Variants in MGAT4C observed in about 807,000 individuals in gnomAD.
MGAT4C encodes alpha-1,3-mannosyl-glycoprotein 4-beta-N-acetylglucosaminyltransferase C.
Under a neutral mutation model 40.1 loss-of-function variants are expected in MGAT4C, and 19 were observed. That is an observed-to-expected ratio of 0.47 (90% CI 0.33 to 0.70). MGAT4C has a LOEUF of 0.70. MGAT4C is among the 30% of genes least tolerant of loss of function. MGAT4C has a pLI of 0.02. For synonymous variants in MGAT4C, 181 were observed against 187.1 expected (o/e 0.97, Z 0.27); for missense variants, 491 against 563.2 (o/e 0.87, Z 1.30).
rs548981756 is a variant in MGAT4C, at chr12:86,579,164, G to C, written c.-228-143899C>G. Among the ~76,000 whole-genome samples, 19 of 151,570 alleles carry C rather than the reference G, an allele frequency of 1.3e-4. No homozygotes were observed. In the East Asian group the frequency reaches 3.3e-3, roughly 26 times the overall value. On this transcript the variant is annotated intron_variant, in intron 2 of 7. Transcript: ENST00000548651. ...TCTATTTACATTCAATGTTATTATT[G>C]ATAAGTAGGGACTCTGGTCATTTTG...
rs145485200 is a variant in MGAT4C, at chr12:86,119,519, T to G, written c.-56-69796A>C. 6.4e-3 allele frequency among the ~76,000 whole-genome samples: 980 copies of G among 152,096 alleles called. 31 individuals are homozygous for G. The South Asian group carries it at 0.11, about 18-fold the overall frequency. On this transcript the variant is annotated intron_variant, in intron 1 of 4. Coordinates refer to ENST00000611864, the MANE Select transcript of MGAT4C (RefSeq NM_001351288.2). The stretch of plus-strand genomic sequence containing the variant: ...ACCTCCTGGGTTTAAGTGATTCTTC[T>G]GCTTCAGCCTCCAGAGTAGCTGGGA...
chr12:86,527,843 A>C (rs1212148560), intron 2 of MGAT4C, among the ~76,000 whole-genome samples: 1 of 152,212 alleles, frequency 6.6e-6, no homozygotes, highest in East Asian at 1.9e-4. Flanking sequence ...AAAGACAAAT[A>C]TCACATGTTC....
chr12:86,716,472 A>G (rs1239932353), intron 2 of MGAT4C, among the ~76,000 whole-genome samples: 1 of 152,130 alleles, frequency 6.6e-6, no homozygotes, highest in African/African-American at 2.4e-5. Context: ...CCCTTGCAAA[A>G]AAGATAGTAA....
At chr12:86,834,907 C>T (rs1031829326) in intron 1 of MGAT4C, among the ~76,000 whole-genome samples, 2 of 151,816 alleles carry the variant, frequency 1.3e-5, no homozygotes, top group South Asian at 2.1e-4. Flanking sequence ...CACATTTTGA[C>T]CTAGCTAGAA....
chr12:86,808,081 G>T (rs1187184785), intron 1 of MGAT4C, among the ~76,000 whole-genome samples: 2 of 151,980 alleles, frequency 1.3e-5, no homozygotes, highest in African/African-American at 2.4e-5. Flanking sequence ...GCTGAACTAA[G>T]AATAAGTTAA....
At chr12:86,797,602 A>C (rs1952150382) in intron 1 of MGAT4C, among the ~76,000 whole-genome samples, 1 of 151,870 alleles carries the variant, frequency 6.6e-6, no homozygotes, top group Admixed American at 6.6e-5. Context: ...TTCCTGCTCT[A>C]TCTGCTTCTC....
At chr12:86,346,769 ACATTT>A in intron 3 of MGAT4C, among the ~76,000 whole-genome samples, 1 of 152,104 alleles carries the variant, frequency 6.6e-6, no homozygotes, top group Non-Finnish European at 1.5e-5. Flanking sequence ...AAAGAGATTA[ACATTT>A]GAGTCAGTGG....
chr12:86,644,460 A>G (rs2136526014), intron 2 of MGAT4C, among the ~76,000 whole-genome samples: 1 of 151,954 alleles, frequency 6.6e-6, no homozygotes, highest in Non-Finnish European at 1.5e-5. Context: ...CAACAATGTA[A>G]GGTATTAGTA....
intron 1 of MGAT4C, among the ~76,000 whole-genome samples, chr12:86,826,910 A>G (rs1049262014): frequency 1.3e-5 from 2 of 151,370 alleles, no homozygotes; most frequent in African/African-American, 4.8e-5. Context: ...TTTTTTGTTC[A>G]AAAAGAATGA....
At chr12:86,278,097 G>T (rs1276867045) in intron 4 of MGAT4C, among the ~76,000 whole-genome samples, 3 of 147,496 alleles carry the variant, frequency 2.0e-5, no homozygotes, top group Non-Finnish European at 4.5e-5. Flanking sequence ...TTATTGCAGA[G>T]ATTTTTTTCA....
intron 2 of MGAT4C, among the ~76,000 whole-genome samples, chr12:86,045,753 G>A (rs976925375): frequency 2.6e-5 from 4 of 152,146 alleles, no homozygotes; most frequent in East Asian, 1.9e-4. Flanking sequence ...TCTTGTCTCC[G>A]TAAAAGTGAA....
intron 4 of MGAT4C, among the ~76,000 whole-genome samples, chr12:86,330,352 A>G (rs1341796051): frequency 3.9e-5 from 6 of 152,146 alleles, no homozygotes; most frequent in Non-Finnish European, 8.8e-5. Context: ...ATTTTTCACC[A>G]TTTCTCTGGG....
intron 1 of MGAT4C, among the ~76,000 whole-genome samples, chr12:86,127,978 T>C (rs1484544285): frequency 6.6e-6 from 1 of 152,194 alleles, no homozygotes; most frequent in African/African-American, 2.4e-5. Context: ...AAAAGTATAG[T>C]ATAGTAAATA....
intron 1 of MGAT4C, among the ~76,000 whole-genome samples, chr12:86,101,109 T>C (rs1396597158): frequency 6.6e-6 from 1 of 151,806 alleles, no homozygotes; most frequent in Non-Finnish European, 1.5e-5. Flanking sequence ...ACTATTTTTT[T>C]CAGAGATTCA....
chr12:86,194,681 C>G (rs946675920), intron 1 of MGAT4C, among the ~76,000 whole-genome samples: 3 of 151,178 alleles, frequency 2.0e-5, no homozygotes, highest in African/African-American at 7.3e-5. Flanking sequence ...CCGTGATGGT[C>G]TTGAACTCCT....
intron 2 of MGAT4C, among the ~76,000 whole-genome samples, chr12:86,566,306 G>C (rs1960097631): frequency 6.6e-6 from 1 of 151,534 alleles, no homozygotes; most frequent in Non-Finnish European, 1.5e-5. Flanking sequence ...TCCGCTGCCA[G>C]CACAGCTAGA....
At chr12:86,418,666 A>G (rs1388286301) in intron 3 of MGAT4C, among the ~76,000 whole-genome samples, 3 of 152,092 alleles carry the variant, frequency 2.0e-5, no homozygotes, top group Admixed American at 6.6e-5. Flanking sequence ...GAAAAAGTGA[A>G]TAAGTGAAAG....
chr12:86,437,512 T>A (rs1344516099), intron 2 of MGAT4C, among the ~76,000 whole-genome samples: 1 of 151,886 alleles, frequency 6.6e-6, no homozygotes, highest in Non-Finnish European at 1.5e-5. Context: ...TTAAATGACT[T>A]ATAGTATTTA....
chr12:86,012,555 A>G (rs555685420), intron 2 of MGAT4C, among the ~76,000 whole-genome samples: 2 of 152,166 alleles, frequency 1.3e-5, no homozygotes, highest in African/African-American at 4.8e-5. Context: ...AGCCTGGCCA[A>G]CATGGCAGAA....
Sources: gnomAD v4.1 joint callset for allele counts (sites outside exome capture counted in the v4.1 genomes callset) on GRCh38, gnomAD v4.1.1 for gene constraint, MANE v1.5 for transcripts, NCBI Gene and HGNC (gene_info 2026-07-23, HGNC 2026-07-21) for gene names.